RAB31: variants seen among roughly 807,000 people sequenced by gnomAD.
The protein encoded by RAB31 is RAB31, member RAS oncogene family, also known as ras-related protein Rab-31.
A neutral mutation model predicts 25.6 loss-of-function variants in RAB31; 21 were observed. The observed-to-expected ratio is 0.82, with a 90% CI of 0.58 to 1.18. The LOEUF (loss-of-function observed/expected upper bound fraction) is 1.18. Ranked by LOEUF, RAB31 falls within the 50% of genes most tolerant of loss-of-function variation. RAB31 has a pLI of 0.00. For synonymous variants in RAB31, 87 were observed against 84.0 expected (o/e 1.04, Z -0.20); for missense variants, 196 against 250.1 (o/e 0.78, Z 1.46).
At chr18:9,814,671 C>G (rs1447459061) in intron 4 of RAB31, 1 of 160,640 alleles carries the variant, frequency 6.2e-6, no homozygotes, top group Non-Finnish European at 1.4e-5. Context: ...TCCACGAGTT[C>G]CTGACCACTT....
intron 1 of RAB31, among the ~76,000 whole-genome samples, chr18:9,722,414 G>A (rs2068077684): frequency 6.6e-6 from 1 of 152,120 alleles, no homozygotes; most frequent in East Asian, 1.9e-4. Flanking sequence ...TGTGTATGGA[G>A]CACAAGGGAA....
intron 1 of RAB31, chr18:9,723,471 A>G (rs186893786): frequency 4.5e-4 from 69 of 152,320 alleles, no homozygotes; most frequent in African/African-American, 1.5e-3. Context: ...AAATACCTCT[A>G]TTTAAAAAGA....
At chr18:9,709,898 G>T (rs1299855943) in intron 1 of RAB31, among the ~76,000 whole-genome samples, 1 of 152,230 alleles carries the variant, frequency 6.6e-6, no homozygotes, top group Non-Finnish European at 1.5e-5. Flanking sequence ...TTCAGCCTCA[G>T]GAAAGGCCTT....
At chr18:9,855,139 C>T (rs979102613) in intron 6 of RAB31, among the ~76,000 whole-genome samples, 1 of 152,154 alleles carries the variant, frequency 6.6e-6, no homozygotes, top group African/African-American at 2.4e-5. Flanking sequence ...AGTTCCGAGC[C>T]AGGATAAAAC....
At chr18:9,746,958 A>G (rs914016864) in intron 1 of RAB31, among the ~76,000 whole-genome samples, 4 of 152,254 alleles carry the variant, frequency 2.6e-5, no homozygotes, top group African/African-American at 9.6e-5. Flanking sequence ...AAAGGACAGT[A>G]TTAAGAAAGT....
chr18:9,850,682 G>C (rs1212881476), intron 6 of RAB31, among the ~76,000 whole-genome samples: 3 of 152,076 alleles, frequency 2.0e-5, no homozygotes, highest in Admixed American at 6.6e-5. Context: ...GTTAGTTTGA[G>C]AGCAAGGTGA....
intron 6 of RAB31, among the ~76,000 whole-genome samples, chr18:9,857,475 T>C (rs1265292853): frequency 6.6e-6 from 1 of 151,988 alleles, no homozygotes; most frequent in Non-Finnish European, 1.5e-5. Context: ...TCTTAGACTG[T>C]ACTGTTTTCT....
chr18:9,720,059 G>T (rs1289497808), intron 1 of RAB31, among the ~76,000 whole-genome samples: 1 of 152,128 alleles, frequency 6.6e-6, no homozygotes, highest in Non-Finnish European at 1.5e-5. Context: ...CGCCTCCTGG[G>T]TTCAAGCAAT....
At chr18:9,769,323 A>G (rs1207864059) in intron 1 of RAB31, among the ~76,000 whole-genome samples, 2 of 152,234 alleles carry the variant, frequency 1.3e-5, no homozygotes, top group Admixed American at 6.5e-5. Context: ...CTTCCTATCC[A>G]TGAGCATGGA....
chr18:9,730,448 A>G (rs912715256), intron 1 of RAB31, among the ~76,000 whole-genome samples: 5 of 151,974 alleles, frequency 3.3e-5, no homozygotes, highest in African/African-American at 1.2e-4. Flanking sequence ...CACCATGCCC[A>G]GCTAATTTTT....
At chr18:9,721,475 G>A (rs187219299) in intron 1 of RAB31, among the ~76,000 whole-genome samples, 12 of 152,258 alleles carry the variant, frequency 7.9e-5, no homozygotes, top group Non-Finnish European at 7.4e-5. Flanking sequence ...AATTAGCTGG[G>A]TGTGGTGGTG....
chr18:9,754,512 T>G lies in RAB31; in HGVS notation c.40-20766T>G, dbSNP rs947180083. Among the ~76,000 whole-genome samples the G allele has an allele frequency of 4.1e-4, 63 of 152,242 alleles. 1 individual carries two copies. Among genetic ancestry groups the G allele is most frequent in the African/African-American group, 1.5e-3 (63 of 41,544 alleles). Reference sequence around the variant, plus strand: ...TCAGGCTGCTCTCGAACTTCTGACCTCAAGTGATCCACCTGCCTAGGCCTC... The same window carrying G: ...TCAGGCTGCTCTCGAACTTCTGACCGCAAGTGATCCACCTGCCTAGGCCTC... On this transcript the variant is annotated intron_variant, in intron 1 of 6. Transcript: ENST00000578921.
chr18:9,753,080 A>T (rs2145479488), intron 1 of RAB31, among the ~76,000 whole-genome samples: 1 of 152,368 alleles, frequency 6.6e-6, no homozygotes, highest in South Asian at 2.1e-4. Context: ...TGGGATTCTT[A>T]TTAAGTTGTC....
intron 3 of RAB31, among the ~76,000 whole-genome samples, 152 bp from the exon 4 acceptor site, chr18:9,813,868 A>AATAAT (rs2068587536): frequency 6.6e-6 from 1 of 152,138 alleles, no homozygotes; most frequent in Non-Finnish European, 1.5e-5. Flanking sequence ...AATAAAATAA[A>AATAAT]ATAAATAAAT....
At chr18:9,745,599 G>A (rs1184916974) in intron 1 of RAB31, among the ~76,000 whole-genome samples, 1 of 152,174 alleles carries the variant, frequency 6.6e-6, no homozygotes, top group Non-Finnish European at 1.5e-5. Context: ...ACCAGATGGG[G>A]TTTATCCCAG....
chr18:9,751,778 C>T (rs913857125), intron 1 of RAB31, among the ~76,000 whole-genome samples: 1 of 152,176 alleles, frequency 6.6e-6, no homozygotes, highest in Non-Finnish European at 1.5e-5. Context: ...TGGAAAGGGG[C>T]GTGCCCAGGG....
chr18:9,713,025 T>A (rs1403588728), intron 1 of RAB31, among the ~76,000 whole-genome samples: 1 of 152,192 alleles, frequency 6.6e-6, no homozygotes, highest in Non-Finnish European at 1.5e-5. Flanking sequence ...GGCCTTCGCA[T>A]GGAAGGCCTC....
chr18:9,769,691 G>A (rs1403472473), intron 1 of RAB31, among the ~76,000 whole-genome samples: 1 of 151,768 alleles, frequency 6.6e-6, no homozygotes, highest in African/African-American at 2.4e-5. Context: ...TCTTTCTCTT[G>A]CCTGGTTGCC....
chr18:9,711,636 A>C (rs1361013891), intron 1 of RAB31, among the ~76,000 whole-genome samples: 1 of 152,210 alleles, frequency 6.6e-6, no homozygotes, highest in Non-Finnish European at 1.5e-5. Flanking sequence ...TGCTTTGCGT[A>C]GGGAGGTCTG....
Sources: gnomAD v4.1 joint callset for allele counts (sites outside exome capture counted in the v4.1 genomes callset) on GRCh38, gnomAD v4.1.1 for gene constraint, MANE v1.5 for transcripts, NCBI Gene and HGNC (gene_info 2026-07-23, HGNC 2026-07-21) for gene names.